The following YY1 variants were observed in gnomAD, a reference collection of about 807,000 sequenced individuals.
The protein encoded by YY1 is transcriptional repressor protein YY1.
In YY1, 2 loss-of-function variants were observed where a neutral mutation model predicts 35.6. The observed-to-expected ratio is 0.06, with a 90% CI of 0.02 to 0.18. The LOEUF (loss-of-function observed/expected upper bound fraction) is 0.18. YY1 is among the 10% of genes least tolerant of loss of function. The pLI is 1.00. For missense variants in YY1, 322 were observed against 573.4 expected, an observed-to-expected ratio of 0.56 and a Z score of 4.48; for synonymous variants, 268 against 238.9, an observed-to-expected ratio of 1.12 and a Z score of -1.12.
At chr14:100,243,936 T>A (rs1352930132) in intron 1 of YY1, among the ~76,000 whole-genome samples, 1 of 151,922 alleles carries the variant, frequency 6.6e-6, no homozygotes, top group Non-Finnish European at 1.5e-5. Context: ...AAACCCTGTC[T>A]CTACTAAAAA....
chr14:100,271,895 A>G lies in YY1; in HGVS notation c.843-2803A>G, dbSNP rs771210333. 2.2e-4 allele frequency among the ~76,000 whole-genome samples: 33 copies of G among 152,256 alleles called. 1 individual carries two copies. The highest frequency in any genetic ancestry group is 4.6e-4 in the Admixed American group (7 of 15,294). On this transcript the variant is annotated intron_variant, in intron 2 of 4. Transcript: ENST00000262238. ...TTTAAATAATTTTGTACACGAAACA[A>G]AGTTTTCACTGTGACCCTATCACAC... is the stretch of plus-strand genomic sequence containing the variant.
intron 2 of YY1, among the ~76,000 whole-genome samples, chr14:100,267,809 A>T (rs183811248): frequency 1.2e-4 from 19 of 152,344 alleles, no homozygotes. Context: ...GGCGTGAGCC[A>T]CTGCGCCCGG....
chr14:100,267,051 G>A (rs1207672509), intron 2 of YY1, among the ~76,000 whole-genome samples: 1 of 152,272 alleles, frequency 6.6e-6, no homozygotes, highest in African/African-American at 2.4e-5. Flanking sequence ...ATTTCTTAAG[G>A]AAAAGTCAGT....
At chr14:100,245,668 G>C (rs1412893503) in intron 1 of YY1, among the ~76,000 whole-genome samples, 1 of 150,962 alleles carries the variant, frequency 6.6e-6, no homozygotes, top group African/African-American at 2.4e-5. Context: ...GTGCAGTGGC[G>C]CGATCTCGGC....
At chr14:100,273,506 G>A (rs994369001) in intron 2 of YY1, among the ~76,000 whole-genome samples, 4 of 151,938 alleles carry the variant, frequency 2.6e-5, no homozygotes, top group African/African-American at 9.7e-5. Flanking sequence ...TAGAGACAGG[G>A]TTTTGTCCAT....
intron 3 of YY1, among the ~76,000 whole-genome samples, chr14:100,275,480 T>TC (rs903068945): frequency 6.6e-6 from 1 of 152,166 alleles, no homozygotes; most frequent in African/African-American, 2.4e-5. Context: ...TAAACGTATC[T>TC]CCATTAGGGC....
rs1205358164 is a variant in YY1 at position 100,282,438 on chromosome 14, CCT to C, written c.*4841_*4842del. ...AAGGCATCAGTACCAAACGGAACAA[CCT>C]CTTTTTTCTACATTGTCCATACCCG... is the stretch of plus-strand genomic sequence containing the variant. On this transcript the variant is annotated 3_prime_UTR_variant, in exon 5 of 5. Coordinates refer to ENST00000262238, the MANE Select transcript of YY1 (RefSeq NM_003403.5). The C allele has an allele frequency of 6.6e-6, 1 of 151,678 alleles. No individual in the cohort carries two copies. Among genetic ancestry groups the C allele is most frequent in the African/African-American group, 2.4e-5 (1 of 40,944 alleles). The allele number at this position is 151,678 out of a possible 1,614,324, so 9.4% of individuals were successfully genotyped here. A position where few individuals can be genotyped will look rare whatever the true frequency, so the allele number is the denominator to read the frequency against.
chr14:100,242,264 T>G (rs985215596), intron 1 of YY1, among the ~76,000 whole-genome samples: 2 of 152,082 alleles, frequency 1.3e-5, no homozygotes, highest in Non-Finnish European at 2.9e-5. Flanking sequence ...TGAAGTGGTA[T>G]GTATGGAGTC....
At chr14:100,262,112 GCCACTGCA>G (rs1891093265) in intron 1 of YY1, among the ~76,000 whole-genome samples, 184 bp from the exon 2 acceptor site, 1 of 151,816 alleles carries the variant, frequency 6.6e-6, no homozygotes. Flanking sequence ...TTGTGATTGG[GCCACTGCA>G]CCACTGCACT....
At chr14:100,250,284 T>G (rs1890904629) in intron 1 of YY1, among the ~76,000 whole-genome samples, 5 of 152,334 alleles carry the variant, frequency 3.3e-5, no homozygotes, top group Middle Eastern at 3.4e-3. Flanking sequence ...GATTTTTGCC[T>G]GTTGCTAAGC....
chr14:100,267,592 C>T (rs1891174098), intron 2 of YY1, among the ~76,000 whole-genome samples: 1 of 151,724 alleles, frequency 6.6e-6, no homozygotes, highest in African/African-American at 2.4e-5. Context: ...GGTATGATCT[C>T]AGCTCACTGC....
intron 2 of YY1, among the ~76,000 whole-genome samples, chr14:100,271,963 T>A (rs1891244936): frequency 1.3e-5 from 2 of 152,114 alleles, no homozygotes; most frequent in Admixed American, 1.3e-4. Context: ...GATTTTGGAT[T>A]TTGGATGTTA....
intron 1 of YY1, among the ~76,000 whole-genome samples, chr14:100,261,841 T>C (rs910119137): frequency 6.6e-6 from 1 of 152,068 alleles, no homozygotes; most frequent in Non-Finnish European, 1.5e-5. Context: ...GAAATGTGTG[T>C]GGTGTGAGTG....
chr14:100,239,397 C>G lies in YY1; in HGVS notation c.153C>G (p.Asp51Glu). 2 of 1,597,778 alleles carry G rather than the reference C, an allele frequency of 1.3e-6. No homozygotes were observed. Among genetic ancestry groups the G allele is most frequent in the South Asian group, 1.1e-5 (1 of 89,772 alleles). Reference sequence around the variant, plus strand: ...AGGAGGAGGAGGAGGACGACGACGACGAGGACGGCGGCGGTGGCGACCACG... The same window carrying G: ...AGGAGGAGGAGGAGGACGACGACGAGGAGGACGGCGGCGGTGGCGACCACG... ...VGEEEEEDDDDEDGGGGDHGG... is the reference protein window; with the variant it reads ...VGEEEEEDDDEEDGGGGDHGG... Residue 51 changes from aspartate to glutamate, a missense_variant, in exon 1 of 5, where the codon GAC becomes GAG. Around this residue, in one of 4 missense-constraint regions of YY1, gnomAD observed 137 missense variants for 167.0 expected, o/e 0.82. Transcript: ENST00000262238.
At chr14:100,243,031 T>C (rs759128547) in intron 1 of YY1, among the ~76,000 whole-genome samples, 2 of 152,236 alleles carry the variant, frequency 1.3e-5, no homozygotes, top group Non-Finnish European at 2.9e-5. Context: ...TTCTCGGACA[T>C]GTGTTTTGTG....
chr14:100,250,869 G>A (rs1890914546), intron 1 of YY1, among the ~76,000 whole-genome samples: 1 of 151,654 alleles, frequency 6.6e-6, no homozygotes, highest in Admixed American at 6.6e-5. Flanking sequence ...GCCAGGCATG[G>A]TGGCATGTGC....
intron 1 of YY1, among the ~76,000 whole-genome samples, chr14:100,241,191 C>A (rs1023743620): frequency 7.9e-5 from 12 of 152,174 alleles, no homozygotes; most frequent in Non-Finnish European, 1.3e-4. Context: ...ATCCTGCCAT[C>A]GTAGTTAATC....
At chr14:100,244,485 G>A (rs1399500666) in intron 1 of YY1, among the ~76,000 whole-genome samples, 2 of 151,148 alleles carry the variant, frequency 1.3e-5, no homozygotes, top group Non-Finnish European at 2.9e-5. Flanking sequence ...GTTTCGCCAT[G>A]TTGCCCAGGC....
At chr14:100,247,452 G>T (rs1463632390) in intron 1 of YY1, among the ~76,000 whole-genome samples, 1 of 150,412 alleles carries the variant, frequency 6.6e-6, no homozygotes, top group Non-Finnish European at 1.5e-5. Flanking sequence ...CACAATCTCA[G>T]CTCATTGCAG....
Sources: gnomAD v4.1 joint callset for allele counts (sites outside exome capture counted in the v4.1 genomes callset) on GRCh38, gnomAD v4.1.1 for gene constraint, gnomAD v4.1.1 regional missense constraint, MANE v1.5 for transcripts, NCBI Gene and HGNC (gene_info 2026-07-23, HGNC 2026-07-21) for gene names.